FAM168A: variants seen among roughly 807,000 people sequenced by gnomAD.
The protein encoded by FAM168A is protein FAM168A.
FAM168A carries 3 observed loss-of-function variants against 28.5 expected under a neutral mutation model. The ratio of observed to expected loss-of-function variants is 0.11; its 90% CI spans 0.05 to 0.27. FAM168A has a LOEUF of 0.27. FAM168A is among the 10% of genes least tolerant of loss of function. FAM168A has a pLI of 1.00. For missense variants in FAM168A, 222 were observed against 311.5 expected, an observed-to-expected ratio of 0.71 and a Z score of 2.16; for synonymous variants, 122 against 124.2, an observed-to-expected ratio of 0.98 and a Z score of 0.12.
At chr11:73,470,841 C>G (rs1478304921) in intron 1 of FAM168A, among the ~76,000 whole-genome samples, 1 of 152,172 alleles carries the variant, frequency 6.6e-6, no homozygotes, top group Non-Finnish European at 1.5e-5. Flanking sequence ...GAGCACTCTC[C>G]TACTGAGAAG....
chr11:73,443,584 G>A (rs1867244264), intron 2 of FAM168A, among the ~76,000 whole-genome samples: 2 of 152,148 alleles, frequency 1.3e-5, no homozygotes, highest in South Asian at 4.1e-4. Context: ...TGTTACCTGT[G>A]CTCAGGTCAT....
intron 1 of FAM168A, among the ~76,000 whole-genome samples, chr11:73,551,922 A>C (rs190680570): frequency 6.6e-6 from 1 of 152,362 alleles, no homozygotes; most frequent in East Asian, 1.9e-4. Flanking sequence ...CTTAGGAAGT[A>C]CTTAAATACC....
intron 1 of FAM168A, among the ~76,000 whole-genome samples, chr11:73,477,275 T>C (rs1455303129): frequency 1.3e-5 from 2 of 152,102 alleles, no homozygotes; most frequent in Non-Finnish European, 2.9e-5. Flanking sequence ...GCTCGCTACC[T>C]GGGTGATGAA....
At chr11:73,513,014 T>C (rs1855254532) in intron 1 of FAM168A, among the ~76,000 whole-genome samples, 2 of 152,068 alleles carry the variant, frequency 1.3e-5, no homozygotes, top group Admixed American at 6.6e-5. Flanking sequence ...GATATTGCCC[T>C]AGGGAAACAT....
At chr11:73,564,542 T>C (rs568481630) in intron 1 of FAM168A, among the ~76,000 whole-genome samples, 2 of 151,052 alleles carry the variant, frequency 1.3e-5, no homozygotes, top group Middle Eastern at 3.4e-3. Flanking sequence ...ATCAAGACCA[T>C]CCTGGCTAAC....
chr11:73,593,044 ATATT>A (rs766223136), intron 1 of FAM168A, among the ~76,000 whole-genome samples: 8 of 152,340 alleles, frequency 5.3e-5, no homozygotes, highest in Admixed American at 2.0e-4. Flanking sequence ...AGTCAGAAGA[ATATT>A]TATCCTATAA....
chr11:73,534,832 C>T (rs961248502), intron 1 of FAM168A, among the ~76,000 whole-genome samples: 1 of 152,206 alleles, frequency 6.6e-6, no homozygotes. Context: ...TTTCTTTTCC[C>T]TCTGGAGAGA....
At chr11:73,479,523 T>C (rs79163187) in intron 1 of FAM168A, among the ~76,000 whole-genome samples, 2,440 of 152,270 alleles carry the variant, frequency 0.016, 25 homozygotes, top group Middle Eastern at 0.048. Flanking sequence ...GGTTTGAGCA[T>C]GCAATCTGAG....
chr11:73,461,981 C>T (rs1867654856), intron 2 of FAM168A, among the ~76,000 whole-genome samples: 1 of 152,100 alleles, frequency 6.6e-6, no homozygotes, highest in Admixed American at 6.6e-5. Context: ...ATTGGCGAAG[C>T]TGTGCAGAAA....
At chr11:73,496,370 G>C (rs77873294) in intron 1 of FAM168A, among the ~76,000 whole-genome samples, 2 of 152,168 alleles carry the variant, frequency 1.3e-5, no homozygotes, top group Non-Finnish European at 2.9e-5. Flanking sequence ...AAGTAATTGC[G>C]GCTTTGACCA....
intron 1 of FAM168A, among the ~76,000 whole-genome samples, chr11:73,571,293 C>T (rs1388014618): frequency 7.6e-5 from 11 of 143,860 alleles, no homozygotes; most frequent in African/African-American, 1.8e-4. Flanking sequence ...CCTCTGATGC[C>T]GAGCCGAAGC....
At chr11:73,420,233 G>A (rs2134496165) in intron 3 of FAM168A, among the ~76,000 whole-genome samples, 1 of 152,270 alleles carries the variant, frequency 6.6e-6, no homozygotes, top group African/African-American at 2.4e-5. Context: ...AAAGAGTCAG[G>A]ACTTTCTACC....
At chr11:73,457,215 C>T (rs1867548705) in intron 2 of FAM168A, among the ~76,000 whole-genome samples, 1 of 144,686 alleles carries the variant, frequency 6.9e-6, no homozygotes, top group Admixed American at 6.6e-5. Context: ...GAGAGAGATC[C>T]CTTCTTTAAT....
chr11:73,561,327 A>G (rs1317082780), intron 1 of FAM168A, among the ~76,000 whole-genome samples: 1 of 152,100 alleles, frequency 6.6e-6, no homozygotes, highest in Non-Finnish European at 1.5e-5. Flanking sequence ...GTGAGCCGAG[A>G]TCACGCACCA....
rs1866416233 is a variant in FAM168A at position 73,401,790 on chromosome 11, T to G, written c.*4973A>C. 6.6e-6 allele frequency: 1 copy of G among 152,158 alleles called. No individual in the cohort carries two copies. The highest frequency in any genetic ancestry group is 1.5e-5 in the Non-Finnish European group (1 of 68,024). 9.4% of individuals were successfully genotyped at this position (152,158 alleles called of 1,614,324 possible). On this transcript the variant is annotated 3_prime_UTR_variant, in exon 8 of 8. Coordinates refer to ENST00000356467, the MANE Select transcript of FAM168A (RefSeq NM_015159.3). ...GGCCTTTGGGTTGGACTCAACAGCA[T>G]GCACCACAGAAGATATCCACTGGAG...
intron 1 of FAM168A, among the ~76,000 whole-genome samples, chr11:73,496,449 A>T (rs1323257870): frequency 6.6e-6 from 1 of 152,246 alleles, no homozygotes; most frequent in Non-Finnish European, 1.5e-5. Context: ...AAGATGAAAA[A>T]GTTCTAGAGA....
chr11:73,541,870 A>T (rs1230295979), intron 1 of FAM168A, among the ~76,000 whole-genome samples: 2 of 152,196 alleles, frequency 1.3e-5, no homozygotes, highest in African/African-American at 4.8e-5. Context: ...TTTAGAGATC[A>T]CCCCAAGGCC....
intron 1 of FAM168A, among the ~76,000 whole-genome samples, chr11:73,514,625 A>C (rs953542508): frequency 6.6e-6 from 1 of 152,112 alleles, no homozygotes; most frequent in African/African-American, 2.4e-5. Context: ...TGAGTCCAGG[A>C]GTTCAAGACC....
intron 1 of FAM168A, among the ~76,000 whole-genome samples, chr11:73,493,923 T>C (rs1175524372): frequency 1.3e-5 from 2 of 152,142 alleles, no homozygotes. Flanking sequence ...CTATCCTCTA[T>C]CCCAAAAATA....
Sources: allele counts gnomAD v4.1 joint callset (sites outside exome capture counted in the v4.1 genomes callset), GRCh38; gene constraint gnomAD v4.1.1; transcripts MANE v1.5; gene names NCBI Gene and HGNC (gene_info 2026-07-23, HGNC 2026-07-21).